The following MYO9A variants were observed in gnomAD, a reference collection of about 807,000 sequenced individuals.
MYO9A encodes unconventional myosin-IXa.
A neutral mutation model predicts 293.3 loss-of-function variants in MYO9A; 103 were observed. That is an observed-to-expected ratio of 0.35 (90% CI 0.30 to 0.41). MYO9A has a LOEUF of 0.41. Among genes scored for constraint, MYO9A ranks in the 10% least tolerant of loss-of-function variants. The probability of loss-of-function intolerance (pLI) is 1.00; values close to 1 mark genes in which losing one functional copy is unlikely to be tolerated. For missense variants in MYO9A, 2,685 were observed against 3,033.0 expected (o/e 0.89, Z 2.69); for synonymous variants, 1,001 against 1,035.7 (o/e 0.97, Z 0.64).
chr15:71,973,680 G>C (rs571709668), intron 12 of MYO9A, among the ~76,000 whole-genome samples: 1 of 152,238 alleles, frequency 6.6e-6, no homozygotes, highest in East Asian at 1.9e-4. Context: ...TGCAAGCTAC[G>C]TAAGACTAGC....
intron 35 of MYO9A, 47 bp downstream of exon 35, chr15:71,854,330 T>C: frequency 1.5e-6 from 2 of 1,316,354 alleles, no homozygotes; most frequent in Non-Finnish European, 2.0e-6. Context: ...TGAAAGGAAC[T>C]ATTTAAATAA....
At chr15:71,839,958 T>C (rs1177487396) in intron 39 of MYO9A, among the ~76,000 whole-genome samples, 5 of 152,232 alleles carry the variant, frequency 3.3e-5, no homozygotes, top group Non-Finnish European at 7.3e-5. Flanking sequence ...ACTCTTTCCT[T>C]GTCTGTGTAA....
chr15:72,091,938 G>T (rs935300228), intron 1 of MYO9A, among the ~76,000 whole-genome samples: 1 of 152,062 alleles, frequency 6.6e-6, no homozygotes, highest in African/African-American at 2.4e-5. Flanking sequence ...CGATGATCTC[G>T]ATCTCCTGAC....
At chr15:71,860,792 C>A (rs1235164861) in intron 33 of MYO9A, among the ~76,000 whole-genome samples, 1 of 151,642 alleles carries the variant, frequency 6.6e-6, no homozygotes, top group Non-Finnish European at 1.5e-5. Context: ...CATGGTAAAA[C>A]CCTGTCTCTA....
At chr15:72,063,443 T>A (rs1434253243) in intron 1 of MYO9A, among the ~76,000 whole-genome samples, 2 of 152,064 alleles carry the variant, frequency 1.3e-5, no homozygotes, top group African/African-American at 4.8e-5. Context: ...AAGGCAACAA[T>A]CAGCAAAGTG....
intron 27 of MYO9A, among the ~76,000 whole-genome samples, chr15:71,887,319 C>G (rs1317571579): frequency 2.0e-5 from 3 of 152,088 alleles, no homozygotes; most frequent in African/African-American, 7.2e-5. Context: ...CCAAAATATT[C>G]CTCTTTGAGA....
intron 19 of MYO9A, among the ~76,000 whole-genome samples, chr15:71,908,602 C>CT (rs1432848228): frequency 3.9e-5 from 6 of 152,178 alleles, no homozygotes; most frequent in Non-Finnish European, 5.9e-5. Flanking sequence ...CTCTTACTCC[C>CT]TGTCTGTTTA....
intron 14 of MYO9A, among the ~76,000 whole-genome samples, chr15:71,955,540 C>CT (rs1300713793): frequency 6.6e-6 from 1 of 152,140 alleles, no homozygotes; most frequent in Non-Finnish European, 1.5e-5. Context: ...TGGTTTGTTT[C>CT]TTTTCATTGC....
At chr15:71,860,795 T>C (rs1021651403) in intron 33 of MYO9A, among the ~76,000 whole-genome samples, 7 of 151,682 alleles carry the variant, frequency 4.6e-5, no homozygotes, top group African/African-American at 1.7e-4. Context: ...GGTAAAACCC[T>C]GTCTCTACTA....
intron 1 of MYO9A, among the ~76,000 whole-genome samples, chr15:72,086,576 C>T (rs560212683): frequency 1.3e-5 from 2 of 150,182 alleles, no homozygotes; most frequent in African/African-American, 2.5e-5. Flanking sequence ...CACGTGCACA[C>T]GTGCTGGCGA....
chr15:71,884,494 C>T (rs1321394517), intron 27 of MYO9A, among the ~76,000 whole-genome samples: 3 of 152,120 alleles, frequency 2.0e-5, no homozygotes, highest in African/African-American at 7.2e-5. Context: ...TAACAAACTA[C>T]TATAAATATG....
At chr15:72,101,614 G>C (rs1262461650) in intron 1 of MYO9A, among the ~76,000 whole-genome samples, 2 of 135,842 alleles carry the variant, frequency 1.5e-5, no homozygotes, top group African/African-American at 5.5e-5. Flanking sequence ...CCTCTGCCCG[G>C]CCAGCCGCCC....
Position 72,064,074 on chromosome 15 carries a change from T to C in MYO9A, c.-71-17440A>G, listed in dbSNP as rs555392574. ...AAGCCAGGCACAAAAAGACAAACTT[T>C]GCATTATCTCATTCATTTGTGGGAG... On this transcript the variant is annotated intron_variant, in intron 1 of 41. Coordinates refer to ENST00000356056, the MANE Select transcript of MYO9A (RefSeq NM_006901.4). Among the ~76,000 whole-genome samples the C allele has an allele frequency of 1.5e-4, 23 of 152,318 alleles. 1 individual carries two copies. The South Asian group carries it at 4.1e-3, about 27-fold the overall frequency.
At chr15:71,934,786 CTTTTTTTTTTTTTTT>C (rs1167613386) in intron 17 of MYO9A, among the ~76,000 whole-genome samples, 1 of 61,788 alleles carries the variant, frequency 1.6e-5, no homozygotes, top group Non-Finnish European at 2.8e-5. Flanking sequence ...CTTTTCTTTT[CTTTTTTTTTTTTTTT>C]TTTTTTTTTT....
chr15:72,044,808 T>C (rs1283292963), intron 2 of MYO9A, among the ~76,000 whole-genome samples: 2 of 152,224 alleles, frequency 1.3e-5, no homozygotes, highest in African/African-American at 4.8e-5. Context: ...ACCATCACAA[T>C]GCAGTTAGAC....
chr15:72,074,988 G>A (rs1018528212), intron 1 of MYO9A, among the ~76,000 whole-genome samples: 1 of 77,808 alleles, frequency 1.3e-5, no homozygotes, highest in Non-Finnish European at 2.3e-5. Context: ...TCTTGAGACA[G>A]AGTTTTGCTC....
At chr15:72,079,091 G>A (rs906410069) in intron 1 of MYO9A, among the ~76,000 whole-genome samples, 5 of 152,172 alleles carry the variant, frequency 3.3e-5, no homozygotes, top group African/African-American at 4.8e-5. Context: ...AGGACACAGA[G>A]AGTGAACCCT....
chr15:72,043,319 G>T (rs1057466315), intron 2 of MYO9A, among the ~76,000 whole-genome samples: 11 of 151,982 alleles, frequency 7.2e-5, no homozygotes, highest in African/African-American at 2.7e-4. Flanking sequence ...TTAATAAAAA[G>T]TTAAACACAT....
intron 32 of MYO9A, among the ~76,000 whole-genome samples, chr15:71,873,768 A>C (rs939584081): frequency 1.3e-5 from 2 of 152,224 alleles, no homozygotes; most frequent in Non-Finnish European, 2.9e-5. Context: ...TGTTGAATAA[A>C]TGTATTCATA....
Sources: allele counts gnomAD v4.1 joint callset (sites outside exome capture counted in the v4.1 genomes callset), GRCh38; gene constraint gnomAD v4.1.1; transcripts MANE v1.5; gene names NCBI Gene and HGNC (gene_info 2026-07-23, HGNC 2026-07-21).